Variants in SND1 observed in about 807,000 individuals in gnomAD.
SND1 encodes the protein staphylococcal nuclease domain-containing protein 1.
Under a neutral mutation model 121.7 loss-of-function variants are expected in SND1, and 38 were observed. That is an observed-to-expected ratio of 0.31 (90% CI 0.24 to 0.41). The LOEUF (loss-of-function observed/expected upper bound fraction) is 0.41, where lower values mean the gene tolerates loss of function less well. Among genes scored for constraint, SND1 ranks in the 10% least tolerant of loss-of-function variants. The pLI is 1.00. For synonymous variants in SND1, 401 were observed against 447.4 expected (o/e 0.90, Z 1.31); for missense variants, 868 against 1,184.6 (o/e 0.73, Z 3.92).
At chr7:127,828,209 C>G (rs974391898) in intron 11 of SND1, among the ~76,000 whole-genome samples, 2 of 151,964 alleles carry the variant, frequency 1.3e-5, no homozygotes, top group African/African-American at 4.8e-5. Context: ...GTTGGCCAGG[C>G]TGGTCTCAAG....
At position 128,085,805 on chromosome 7, in the gene SND1, G is replaced by C. The variant is rs2117065912; in HGVS notation, c.2304+25G>C. The C allele has an allele frequency of 6.3e-7, 1 of 1,597,796 alleles. No homozygotes were observed. The highest frequency in any genetic ancestry group is 8.6e-7 in the Non-Finnish European group (1 of 1,165,300). On this transcript the variant is annotated intron_variant, in intron 20 of 23. Coordinates refer to ENST00000354725, the MANE Select transcript of SND1 (RefSeq NM_014390.4). The surrounding 1 kb of genome is among the most constrained non-coding windows in gnomAD (Gnocchi z 4.4). ...CGTGAGTGTTGGGGACCAGAGTGTT[G>C]GAGGGGCTATCAAACACAGCAGCCC...
At chr7:127,674,070 C>T (rs1795573854) in intron 1 of SND1, among the ~76,000 whole-genome samples, 2 of 151,308 alleles carry the variant, frequency 1.3e-5, no homozygotes, top group Admixed American at 6.6e-5. Flanking sequence ...CTGTCTCTGT[C>T]TTCCTGTCTT....
At chr7:127,937,983 T>C (rs1359505627) in intron 15 of SND1, among the ~76,000 whole-genome samples, 1 of 152,278 alleles carries the variant, frequency 6.6e-6, no homozygotes, top group African/African-American at 2.4e-5. Context: ...CTGATACTTA[T>C]GAATTCCTTT....
At chr7:127,764,458 G>A (rs985498716) in intron 10 of SND1, among the ~76,000 whole-genome samples, 3 of 152,180 alleles carry the variant, frequency 2.0e-5, no homozygotes, top group Non-Finnish European at 4.4e-5. Context: ...TTAAGTTTGT[G>A]GTGTTGCTGT....
intron 14 of SND1, among the ~76,000 whole-genome samples, chr7:127,918,847 T>C (rs1800641367): frequency 6.6e-6 from 1 of 152,222 alleles, no homozygotes; most frequent in Admixed American, 6.5e-5. Context: ...CATATATTTT[T>C]TAACAACATC....
intron 16 of SND1, among the ~76,000 whole-genome samples, chr7:128,062,393 G>A: frequency 6.6e-6 from 1 of 152,196 alleles, no homozygotes; most frequent in East Asian, 1.9e-4. Flanking sequence ...AAAGAGGCGT[G>A]AGGACAAAAG....
At chr7:127,915,252 G>A (rs531672432) in intron 14 of SND1, among the ~76,000 whole-genome samples, 15 of 152,130 alleles carry the variant, frequency 9.9e-5, no homozygotes, top group Non-Finnish European at 1.3e-4. Flanking sequence ...GGGCTCAAGC[G>A]CGAGCCACTG....
chr7:127,798,915 G>A (rs1798076070), intron 10 of SND1, among the ~76,000 whole-genome samples: 1 of 152,174 alleles, frequency 6.6e-6, no homozygotes. Context: ...GTGTGGTGGT[G>A]CATACCTATA....
chr7:128,009,812 A>T lies in SND1; in HGVS notation c.1779+18756A>T, dbSNP rs188536606. ...TTGACCCTTATCTCTCATGCTCTTG[A>T]CACAAACTTCCACATTTTTTCATAA... is the stretch of plus-strand genomic sequence containing the variant. On this transcript the variant is annotated intron_variant, in intron 16 of 23. Transcript: ENST00000354725. 1.5e-4 allele frequency among the ~76,000 whole-genome samples: 22 copies of T among 150,478 alleles called. No homozygotes were observed. In the East Asian group the frequency reaches 3.3e-3, roughly 23 times the overall value.
chr7:127,689,776 A>T (rs943830571), intron 2 of SND1, among the ~76,000 whole-genome samples: 3 of 152,122 alleles, frequency 2.0e-5, no homozygotes, highest in Non-Finnish European at 4.4e-5. Context: ...CCTAGCCCAC[A>T]GTCATCATTT....
At chr7:127,675,953 A>G (rs915973123) in intron 1 of SND1, among the ~76,000 whole-genome samples, 8 of 152,132 alleles carry the variant, frequency 5.3e-5, no homozygotes, top group Non-Finnish European at 8.8e-5. Context: ...TTTGCAGAGG[A>G]CCATTGTCCT....
intron 16 of SND1, among the ~76,000 whole-genome samples, chr7:128,070,541 G>A (rs1439045212): frequency 6.6e-6 from 1 of 152,186 alleles, no homozygotes; most frequent in Non-Finnish European, 1.5e-5. Context: ...AACACTCCAA[G>A]ATGCCCAAGA....
At chr7:127,851,565 CTT>C (rs1799165392) in intron 12 of SND1, among the ~76,000 whole-genome samples, 1 of 152,190 alleles carries the variant, frequency 6.6e-6, no homozygotes, top group Non-Finnish European at 1.5e-5. Flanking sequence ...ATTCATATCA[CTT>C]ATTCATTTAG....
At chr7:127,972,537 G>T (rs1245915671) in intron 15 of SND1, among the ~76,000 whole-genome samples, 5 of 152,016 alleles carry the variant, frequency 3.3e-5, no homozygotes, top group Non-Finnish European at 7.4e-5. Context: ...GATTACAGGT[G>T]TGAGCCACAG....
At chr7:127,854,340 G>C (rs893696281) in intron 12 of SND1, among the ~76,000 whole-genome samples, 4 of 152,090 alleles carry the variant, frequency 2.6e-5, no homozygotes, top group African/African-American at 9.7e-5. Flanking sequence ...TGTTGGCCAG[G>C]CTGGTCTTGA....
chr7:127,664,523 A>C (rs1057044892), intron 1 of SND1, among the ~76,000 whole-genome samples: 1 of 152,176 alleles, frequency 6.6e-6, no homozygotes, highest in Non-Finnish European at 1.5e-5. Context: ...CACCCCCCAT[A>C]TATTACCTTA....
At chr7:127,908,549 A>G (rs1800394347) in intron 14 of SND1, among the ~76,000 whole-genome samples, 1 of 152,110 alleles carries the variant, frequency 6.6e-6, no homozygotes, top group African/African-American at 2.4e-5. Context: ...TTTCTATCAT[A>G]GTCTAGTTTC....
chr7:128,064,584 A>T (rs1279923023), intron 16 of SND1, among the ~76,000 whole-genome samples: 5 of 152,154 alleles, frequency 3.3e-5, no homozygotes, highest in Non-Finnish European at 7.4e-5. Context: ...AAGGTGAGAG[A>T]TTCAGAATGG....
At chr7:127,658,826 G>A (rs1364855335) in intron 1 of SND1, among the ~76,000 whole-genome samples, 1 of 152,224 alleles carries the variant, frequency 6.6e-6, no homozygotes, top group East Asian at 1.9e-4. Flanking sequence ...AGTGAAAATT[G>A]TGATTTCTGT....
Sources: allele counts gnomAD v4.1 joint callset (sites outside exome capture counted in the v4.1 genomes callset), GRCh38; gene constraint gnomAD v4.1.1; non-coding constraint Gnocchi (gnomAD v3.1); transcripts MANE v1.5; gene names NCBI Gene and HGNC (gene_info 2026-07-23, HGNC 2026-07-21).